Variants in FOXP2 observed in about 807,000 individuals in gnomAD.
FOXP2 encodes the protein forkhead box protein P2.
Under a neutral mutation model 115.8 loss-of-function variants are expected in FOXP2, and 12 were observed. The observed-to-expected ratio is 0.10, with a 90% CI of 0.07 to 0.17. The LOEUF (loss-of-function observed/expected upper bound fraction) is 0.17, where lower values mean the gene tolerates loss of function less well. Ranked by LOEUF, FOXP2 falls within the 10% of genes least tolerant of loss-of-function variation. The pLI is 1.00. For missense variants in FOXP2, 629 were observed against 843.5 expected (o/e 0.75, Z 3.15); for synonymous variants, 328 against 297.7 (o/e 1.10, Z -1.05).
chr7:114,214,266 A>T (rs1794432163), intron 1 of FOXP2, among the ~76,000 whole-genome samples: 1 of 152,176 alleles, frequency 6.6e-6, no homozygotes, highest in African/African-American at 2.4e-5. Context: ...CAGAGTATAA[A>T]ACCAAGCAAT....
At chr7:114,538,249 T>C (rs1799492007) in intron 3 of FOXP2, 1 of 1,065,206 alleles carries the variant, frequency 9.4e-7, no homozygotes, top group Non-Finnish European at 1.3e-6. Context: ...TTTTCAATTT[T>C]CTAGCCTATG....
At chr7:114,298,275 C>T (rs1036638390) in intron 2 of FOXP2, among the ~76,000 whole-genome samples, 9 of 152,126 alleles carry the variant, frequency 5.9e-5, no homozygotes, top group Admixed American at 2.6e-4. Context: ...TTGACTTCTC[C>T]TGTCTCTCTG....
intron 16 of FOXP2, chr7:114,665,429 T>C (rs1807112270): frequency 6.6e-6 from 1 of 152,124 alleles, no homozygotes; most frequent in African/African-American, 2.4e-5. Context: ...TATTTTTCCA[T>C]TCAATATCTA....
At chr7:114,430,691 A>G (rs902052016) in intron 2 of FOXP2, among the ~76,000 whole-genome samples, 4 of 151,868 alleles carry the variant, frequency 2.6e-5, no homozygotes, top group South Asian at 2.1e-4. Context: ...GAAAATTACA[A>G]TTCCTGTGAA....
chr7:114,139,209 A>C (rs1203500506), intron 1 of FOXP2, among the ~76,000 whole-genome samples: 2 of 152,100 alleles, frequency 1.3e-5, no homozygotes, highest in African/African-American at 4.8e-5. Context: ...TACTATTTTC[A>C]TGTTAGAGCG....
intron 2 of FOXP2, among the ~76,000 whole-genome samples, chr7:114,380,020 C>T (rs1440620754): frequency 6.6e-6 from 1 of 151,996 alleles, no homozygotes; most frequent in Non-Finnish European, 1.5e-5. Flanking sequence ...AGGGGGTTAC[C>T]CCATATTAGG....
At chr7:114,120,481 G>C (rs866573153) in intron 1 of FOXP2, among the ~76,000 whole-genome samples, 1 of 152,178 alleles carries the variant, frequency 6.6e-6, no homozygotes, top group African/African-American at 2.4e-5. Context: ...GGTAAGAAAG[G>C]GGGCAGGGAG....
intron 3 of FOXP2, among the ~76,000 whole-genome samples, chr7:114,596,482 T>A (rs934849295): frequency 6.6e-6 from 1 of 152,122 alleles, no homozygotes; most frequent in Non-Finnish European, 1.5e-5. Context: ...GGGCTGATTG[T>A]GACACTAATC....
At chr7:114,386,751 G>T (rs1792465371) in intron 2 of FOXP2, among the ~76,000 whole-genome samples, 1 of 152,200 alleles carries the variant, frequency 6.6e-6, no homozygotes. Context: ...ACTATTTGGG[G>T]ATCAGGGATT....
Position 114,433,683 on chromosome 7 carries a change from A to G in FOXP2, c.168+7004A>G, listed in dbSNP as rs992546402. 7.9e-5 allele frequency among the ~76,000 whole-genome samples: 12 copies of G among 152,006 alleles called. 1 individual carries two copies. Among genetic ancestry groups the G allele is most frequent in the African/African-American group, 2.9e-4 (12 of 41,446 alleles). On this transcript the variant is annotated intron_variant, in intron 2 of 16. Transcript: ENST00000350908. ...CAAAATTTCAACTAAAGTAGCTAAC[A>G]TTAAAACTACTGTCAAAAATACATA...
In FOXP2 at chr7:114,123,984, A is replaced by G. The variant is rs1302044837; in HGVS notation, c.-247+36146A>G. Among the ~76,000 whole-genome samples, 5 of 152,170 alleles carry G rather than the reference A, an allele frequency of 3.3e-5. No individual in the cohort carries two copies. The East Asian group carries it at 7.7e-4, about 24-fold the overall frequency. ...CTATGGAATTATGGAAGAATTTACA[A>G]AAGAGCCTGCAGGCTTAGCATCTGA... On this transcript the variant is annotated intron_variant, in intron 1 of 19. Coordinates refer to the FOXP2 transcript ENST00000635638.
chr7:114,493,398 A>G (rs2129245842), intron 2 of FOXP2, among the ~76,000 whole-genome samples: 1 of 152,254 alleles, frequency 6.6e-6, no homozygotes, highest in African/African-American at 2.4e-5. Flanking sequence ...GAAAACCCTA[A>G]TATAAACTAT....
intron 1 of FOXP2, among the ~76,000 whole-genome samples, chr7:114,088,732 T>C (rs1034610045): frequency 2.0e-5 from 3 of 152,254 alleles, no homozygotes; most frequent in Non-Finnish European, 4.4e-5. Flanking sequence ...GGGGACTGTT[T>C]ATCTTTTCTG....
At chr7:114,429,040 G>T (rs948438653) in intron 2 of FOXP2, among the ~76,000 whole-genome samples, 1 of 151,424 alleles carries the variant, frequency 6.6e-6, no homozygotes, top group African/African-American at 2.4e-5. Flanking sequence ...TTTGTTTGCC[G>T]TGAACTTCTG....
intron 1 of FOXP2, among the ~76,000 whole-genome samples, chr7:114,419,506 C>A (rs752969583): frequency 6.6e-6 from 1 of 151,820 alleles, no homozygotes; most frequent in East Asian, 1.9e-4. Context: ...TACCCTACAT[C>A]CCTCACAGTT....
chr7:114,225,034 G>T (rs887335037), intron 1 of FOXP2, among the ~76,000 whole-genome samples: 9 of 151,970 alleles, frequency 5.9e-5, no homozygotes, highest in Non-Finnish European at 1.2e-4. Flanking sequence ...AAACTCTCCT[G>T]CATTTTGTGA....
At chr7:114,524,696 TTTTAC>T (rs1341249295) in intron 2 of FOXP2, among the ~76,000 whole-genome samples, 2 of 152,146 alleles carry the variant, frequency 1.3e-5, no homozygotes, top group African/African-American at 2.4e-5. Flanking sequence ...TTTCTTTTCT[TTTTAC>T]TTTACTTTGT....
chr7:114,642,468 T>G lies in FOXP2; in HGVS notation c.834T>G (p.Ser278Arg). The G allele has an allele frequency of 3.7e-6, 6 of 1,613,764 alleles. No individual in the cohort carries two copies. The highest frequency in any genetic ancestry group is 5.1e-6 in the Non-Finnish European group (6 of 1,179,908). ...GGAAAGAAGTGACTGGAGTTCACAG[T>G]ATGGAAGACAATGGCATTAAACATG... The part of the protein sequence containing the change: ...QLWKEVTGVH[S>R]MEDNGIKHGG... The change falls in exon 7 of 17, where the codon AGT (serine) becomes AGG (arginine). Residue 278 changes from serine to arginine, a missense_variant. Around this residue, in one of 9 missense-constraint regions of FOXP2, gnomAD observed 92 missense variants for 80.1 expected, o/e 1.15. Transcript: ENST00000350908.
At chr7:114,139,123 C>T (rs1025455411) in intron 1 of FOXP2, among the ~76,000 whole-genome samples, 1 of 152,130 alleles carries the variant, frequency 6.6e-6, no homozygotes, top group African/African-American at 2.4e-5. Context: ...CTATGCAGAG[C>T]ATACTATAGA....
Sources: allele counts gnomAD v4.1 joint callset (sites outside exome capture counted in the v4.1 genomes callset), GRCh38; gene constraint gnomAD v4.1.1; regional missense constraint gnomAD v4.1.1; transcripts MANE v1.5; gene names NCBI Gene and HGNC (gene_info 2026-07-23, HGNC 2026-07-21).